The following IRAK2 variants were observed in gnomAD, a reference collection of about 807,000 sequenced individuals.
IRAK2 encodes the protein interleukin 1 receptor associated kinase 2.
In IRAK2, 57 loss-of-function variants were observed where a neutral mutation model predicts 72.0. The ratio of observed to expected loss-of-function variants is 0.79; its 90% CI spans 0.64 to 0.99. The LOEUF is 0.99. Ranked by LOEUF, IRAK2 falls within the 50% of genes least tolerant of loss-of-function variation. IRAK2 has a pLI of 0.00. For synonymous variants in IRAK2, 293 were observed against 312.7 expected, an observed-to-expected ratio of 0.94 and a Z score of 0.67; for missense variants, 790 against 794.4, an observed-to-expected ratio of 0.99 and a Z score of 0.07.
intron 2 of IRAK2, among the ~76,000 whole-genome samples, chr3:10,186,068 T>TCAA (rs370082817): frequency 0.028 from 4,260 of 151,074 alleles, 277 homozygotes; most frequent in African/African-American, 0.091. Flanking sequence ...AGACTCCGTC[T>TCAA]CAACAACAAC....
chr3:10,214,993 C>G (rs1489453771), intron 6 of IRAK2, among the ~76,000 whole-genome samples: 1 of 151,958 alleles, frequency 6.6e-6, no homozygotes, highest in African/African-American at 2.4e-5. Flanking sequence ...ACTCAGGAGG[C>G]TGATGGGAGG....
At chr3:10,216,267 A>G (rs971346135) in intron 6 of IRAK2, among the ~76,000 whole-genome samples, 35 of 152,170 alleles carry the variant, frequency 2.3e-4, no homozygotes, top group Non-Finnish European at 3.2e-4. Flanking sequence ...GATAATAAAT[A>G]TGGGTGAAGA....
At chr3:10,172,035 A>C (rs1212472948) in intron 1 of IRAK2, among the ~76,000 whole-genome samples, 1 of 152,090 alleles carries the variant, frequency 6.6e-6, no homozygotes, top group East Asian at 1.9e-4. Context: ...CAGGAGTTCG[A>C]AACCAGCCTG....
chr3:10,223,154 C>T (rs1157883847), intron 9 of IRAK2, among the ~76,000 whole-genome samples: 2 of 152,176 alleles, frequency 1.3e-5, no homozygotes, highest in Non-Finnish European at 2.9e-5. Flanking sequence ...TGAAGGAAAA[C>T]CACTCATGAG....
At chr3:10,213,118 C>T in intron 4 of IRAK2, 89 bp from the exon 5 acceptor site, 1 of 1,087,288 alleles carries the variant, frequency 9.2e-7, no homozygotes, top group Non-Finnish European at 1.4e-6. Context: ...CCCCTCCATC[C>T]CTCCATCTCT....
chr3:10,213,293 G>A lies in IRAK2; in HGVS notation c.615G>A (p.Gln205=), dbSNP rs199810902. The A allele has an allele frequency of 7.4e-6, 12 of 1,614,132 alleles. No individual in the cohort carries two copies. In the East Asian group the frequency reaches 2.5e-4, roughly 33 times the overall value. ...TCTGGAGTGAGGCAGACGTGGTCCAGGCAACCGATGACTTCAATCAAAACC... is the reference window on the plus strand; with the variant it reads ...TCTGGAGTGAGGCAGACGTGGTCCAAGCAACCGATGACTTCAATCAAAACC... The part of the protein sequence containing the change: ...SLFWSEADVV[Q]ATDDFNQNRK... The change falls in exon 5 of 13, where the codon CAG becomes CAA. Residue 205 remains glutamine (Q), a synonymous_variant. Coordinates refer to ENST00000256458, the MANE Select transcript of IRAK2 (RefSeq NM_001570.4).
chr3:10,191,220 G>A (rs372706097), intron 2 of IRAK2, among the ~76,000 whole-genome samples: 14 of 152,058 alleles, frequency 9.2e-5, no homozygotes, highest in South Asian at 8.3e-4. Context: ...GCTTGAACCC[G>A]GGAGGCGGAG....
Position 10,222,729 on chromosome 3 carries a change from G to A in IRAK2, c.1107G>A (p.Met369Ile), listed in dbSNP as rs1697715160. 3 of 1,614,142 alleles carry A rather than the reference G, an allele frequency of 1.9e-6. No individual in the cohort carries two copies. Among genetic ancestry groups the A allele is most frequent in the Non-Finnish European group, 2.5e-6 (3 of 1,180,020 alleles). The part of the protein sequence containing the change: ...CPVNKRSKYT[M>I]MKTHLLRTSA... ...TCAACAAAAGGTCAAAATACACCAT[G>A]ATGAAGACTCACCTGCTCCGGACGT... Residue 369 changes from methionine (M) to isoleucine (I), a missense_variant, in exon 9 of 13, where the codon ATG becomes ATA. Transcript: ENST00000256458.
intron 9 of IRAK2, among the ~76,000 whole-genome samples, chr3:10,224,306 C>T (rs1211000567): frequency 6.7e-6 from 1 of 149,360 alleles, no homozygotes; most frequent in Non-Finnish European, 1.5e-5. Context: ...CATTGCACTC[C>T]AGCCTGGGCA....
intron 8 of IRAK2, among the ~76,000 whole-genome samples, chr3:10,221,982 G>T (rs1348269607): frequency 6.6e-6 from 1 of 151,940 alleles, no homozygotes. Flanking sequence ...TCTGCTTCCG[G>T]GTTCAAGCAA....
intron 8 of IRAK2, among the ~76,000 whole-genome samples, chr3:10,221,989 G>A (rs1697705632): frequency 6.6e-6 from 1 of 152,048 alleles, no homozygotes; most frequent in Non-Finnish European, 1.5e-5. Context: ...CCGGGTTCAA[G>A]CAATTCTCCT....
intron 7 of IRAK2, 141 bp from the exon 8 acceptor site, chr3:10,219,539 C>T (rs563694731): frequency 6.1e-5 from 38 of 627,242 alleles, no homozygotes; most frequent in Non-Finnish European, 8.4e-5. Flanking sequence ...AGGATGGTCT[C>T]GATCTCCTGA....
chr3:10,177,737 G>T lies in IRAK2; in HGVS notation c.95-101G>T, dbSNP rs969641003. The T allele has an allele frequency of 5.2e-6, 6 of 1,155,772 alleles. No homozygotes were observed. The African/African-American group carries it at 6.0e-5, about 12-fold the overall frequency. 71.6% of individuals were successfully genotyped at this position (1,155,772 alleles called of 1,614,324 possible). On this transcript the variant is annotated intron_variant, in intron 1 of 12. Coordinates refer to ENST00000256458, the MANE Select transcript of IRAK2 (RefSeq NM_001570.4). ...TTTCCAGTGTGGAGGCGGTGGTTGG[G>T]GAGGATGTCCTGGAAAAGCCCAGCT...
At chr3:10,202,694 T>TC (rs1437053828) in intron 3 of IRAK2, among the ~76,000 whole-genome samples, 1 of 145,066 alleles carries the variant, frequency 6.9e-6, no homozygotes, top group East Asian at 2.0e-4. Context: ...CTTTCCTTTT[T>TC]TTTTTTTTTT....
In IRAK2 at chr3:10,222,810, G is replaced by A. The variant is rs756418480; in HGVS notation, c.1188G>A (p.Val396=). 4.3e-6 allele frequency: 7 copies of A among 1,614,158 alleles called. No homozygotes were observed. Among genetic ancestry groups the A allele is most frequent in the East Asian group, 2.2e-5 (1 of 44,880 alleles). The change falls in exon 9 of 13, where the codon GTG becomes GTA. Residue 396 remains valine, a synonymous_variant. Coordinates refer to ENST00000256458, the MANE Select transcript of IRAK2 (RefSeq NM_001570.4). ...GGGTGGGGCAGCTGACAAAGCGAGT[G>A]GACATCTTCAGCTGTGGAATAGTAA... ...FIRVGQLTKR[V]DIFSCGIVLA... is the part of the protein sequence containing the mutation.
intron 11 of IRAK2, among the ~76,000 whole-genome samples, 193 bp from the exon 12 acceptor site, chr3:10,238,555 C>T (rs562676662): frequency 6.6e-6 from 1 of 152,264 alleles, no homozygotes; most frequent in South Asian, 2.1e-4. Flanking sequence ...GTCACGCCGT[C>T]TCATCTATGA....
chr3:10,231,893 G>T (rs1697867278), intron 10 of IRAK2, among the ~76,000 whole-genome samples: 1 of 152,098 alleles, frequency 6.6e-6, no homozygotes, highest in South Asian at 2.1e-4. Flanking sequence ...TTGGGAGGCT[G>T]AGGCAGGCGG....
At position 10,234,457 on chromosome 3, in the gene IRAK2, A is replaced by G. The variant is rs1370434881; in HGVS notation, c.1273-2A>G. 5 of 1,613,820 alleles carry G rather than the reference A, an allele frequency of 3.1e-6. No homozygotes were observed. The highest frequency in any genetic ancestry group is 2.2e-5 in the East Asian group (1 of 44,880). On this transcript the variant is annotated splice_acceptor_variant, in intron 10 of 12. Coordinates refer to ENST00000256458, the MANE Select transcript of IRAK2 (RefSeq NM_001570.4). LOFTEE classifies it high-confidence loss of function. Reference sequence around the variant, plus strand: ...AGGGCGTTTCTACCCTTCTTCCCACAGAAGGACTTACTCCTCAGTGATATT... The same window carrying G: ...AGGGCGTTTCTACCCTTCTTCCCACGGAAGGACTTACTCCTCAGTGATATT...
At chr3:10,210,971 GC>G (rs1360270487) in intron 4 of IRAK2, among the ~76,000 whole-genome samples, 1 of 152,066 alleles carries the variant, frequency 6.6e-6, no homozygotes, top group Non-Finnish European at 1.5e-5. Flanking sequence ...CTATTCTCCT[GC>G]CTCAGCCTCC....
Sources: allele counts gnomAD v4.1 joint callset (sites outside exome capture counted in the v4.1 genomes callset), GRCh38; gene constraint gnomAD v4.1.1; transcripts MANE v1.5; gene names NCBI Gene and HGNC (gene_info 2026-07-23, HGNC 2026-07-21).